MAML3: variants seen among roughly 807,000 people sequenced by gnomAD.
The protein encoded by MAML3 is mastermind-like protein 3.
Under a neutral mutation model 101.9 loss-of-function variants are expected in MAML3, and 27 were observed. The observed-to-expected ratio is 0.27, with a 90% CI of 0.20 to 0.37. MAML3 has a LOEUF of 0.37. Ranked by LOEUF, MAML3 falls within the 10% of genes least tolerant of loss-of-function variation. The pLI is 1.00. For missense variants in MAML3, 1,316 were observed against 1,444.9 expected (o/e 0.91, Z 1.45); for synonymous variants, 501 against 555.9 (o/e 0.90, Z 1.39).
At chr4:140,020,120 C>T (rs527618450) in intron 1 of MAML3, among the ~76,000 whole-genome samples, 18 of 152,152 alleles carry the variant, frequency 1.2e-4, no homozygotes, top group Non-Finnish European at 2.4e-4. Flanking sequence ...TGACCTTTGT[C>T]AACTGTGTTG....
chr4:139,904,988 T>C (rs1001209942), intron 1 of MAML3, among the ~76,000 whole-genome samples: 2 of 152,252 alleles, frequency 1.3e-5, no homozygotes, highest in South Asian at 4.1e-4. Flanking sequence ...TGTCGTTGAC[T>C]GAAATGTCAT....
At chr4:140,134,741 T>C (rs1299162315) in intron 1 of MAML3, among the ~76,000 whole-genome samples, 1 of 152,190 alleles carries the variant, frequency 6.6e-6, no homozygotes, top group Non-Finnish European at 1.5e-5. Context: ...ATGGGTGTTC[T>C]GCAAAAAAAG....
chr4:139,847,878 G>A (rs1243534955), intron 2 of MAML3, among the ~76,000 whole-genome samples: 1 of 152,224 alleles, frequency 6.6e-6, no homozygotes, highest in Admixed American at 6.5e-5. Context: ...GACTCAGGAA[G>A]AAACAGAATT....
chr4:139,942,462 G>A (rs1455401694), intron 1 of MAML3, among the ~76,000 whole-genome samples: 1 of 152,084 alleles, frequency 6.6e-6, no homozygotes, highest in Admixed American at 6.5e-5. Flanking sequence ...GATTAATGTG[G>A]ACATAACACT....
chr4:139,762,891 GA>G (rs1307435168), intron 2 of MAML3, among the ~76,000 whole-genome samples: 4 of 152,172 alleles, frequency 2.6e-5, no homozygotes, highest in Admixed American at 2.6e-4. Context: ...CTTTCCTGAG[GA>G]GGGCTGGAGA....
chr4:139,931,495 T>G (rs1255212396), intron 1 of MAML3, among the ~76,000 whole-genome samples: 1 of 152,130 alleles, frequency 6.6e-6, no homozygotes, highest in African/African-American at 2.4e-5. Context: ...TTTAATTAGG[T>G]TTTTATGCTT....
rs548965153 is a variant in MAML3, at chr4:139,769,572, G to A, written c.2080-38905C>T. ...CATGTAAATATGACACTTATGAACC[G>A]GCAATAAAATATGGTGAGTCTAAAG... On this transcript the variant is annotated intron_variant, in intron 2 of 4. Coordinates refer to ENST00000509479, the MANE Select transcript of MAML3 (RefSeq NM_018717.5). Among the ~76,000 whole-genome samples the A allele has an allele frequency of 3.4e-4, 51 of 152,034 alleles. No individual in the cohort carries two copies. In the East Asian group the frequency reaches 3.5e-3, roughly 10 times the overall value.
chr4:139,737,179 A>C (rs898849003), intron 2 of MAML3, among the ~76,000 whole-genome samples: 44 of 152,298 alleles, frequency 2.9e-4, no homozygotes, highest in Middle Eastern at 3.4e-3. Flanking sequence ...AACTATGGAA[A>C]GCTATGATTT....
Position 140,016,747 on chromosome 4 carries a change from A to G in MAML3, c.469-125780T>C, listed in dbSNP as rs913340076. The stretch of plus-strand genomic sequence containing the variant: ...AAACATTCATTGGCAAAACAAACAT[A>G]AAACAAAACCAAACCAAAAATACCC... On this transcript the variant is annotated intron_variant, in intron 1 of 4. Transcript: ENST00000509479. 7.2e-5 allele frequency among the ~76,000 whole-genome samples: 11 copies of G among 152,358 alleles called. 1 individual carries two copies. Among genetic ancestry groups the G allele is most frequent in the Non-Finnish European group, 1.3e-4 (9 of 68,030 alleles).
At chr4:139,726,658 C>G (rs770400713) in intron 3 of MAML3, among the ~76,000 whole-genome samples, 1 of 151,046 alleles carries the variant, frequency 6.6e-6, no homozygotes, top group Non-Finnish European at 1.5e-5. Context: ...TGAAGCCACA[C>G]TGCCTGTAAA....
intron 1 of MAML3, among the ~76,000 whole-genome samples, chr4:139,932,251 T>TTG (rs955584296): frequency 6.6e-6 from 1 of 151,550 alleles, no homozygotes; most frequent in African/African-American, 2.4e-5. Context: ...TTATCTTGAT[T>TTG]TTTTTTTTGA....
intron 2 of MAML3, among the ~76,000 whole-genome samples, chr4:139,791,980 CTGTT>C (rs1275576934): frequency 2.6e-5 from 4 of 152,202 alleles, no homozygotes; most frequent in Admixed American, 6.5e-5. Context: ...ACTGGGATCT[CTGTT>C]TGAACTTAGA....
chr4:139,739,864 A>C (rs1729100278), intron 2 of MAML3, among the ~76,000 whole-genome samples: 1 of 152,080 alleles, frequency 6.6e-6, no homozygotes, highest in African/African-American at 2.4e-5. Context: ...TTATTTTTAA[A>C]AGCTTGTTAA....
intron 2 of MAML3, among the ~76,000 whole-genome samples, chr4:139,867,916 A>C (rs1731930731): frequency 6.6e-6 from 1 of 152,218 alleles, no homozygotes; most frequent in Non-Finnish European, 1.5e-5. Context: ...ACTCTTAAAC[A>C]AAAATCAGTG....
intron 1 of MAML3, among the ~76,000 whole-genome samples, chr4:139,907,690 T>C (rs1209684867): frequency 2.0e-5 from 3 of 152,212 alleles, no homozygotes; most frequent in South Asian, 2.1e-4. Context: ...TCAAAGGAAT[T>C]TGTAGGCTGT....
At position 140,033,156 on chromosome 4, in the gene MAML3, C is replaced by T. The variant is rs143548044; in HGVS notation, c.468+119704G>A. 6.0e-4 allele frequency among the ~76,000 whole-genome samples: 92 copies of T among 152,306 alleles called. No individual in the cohort carries two copies. In the Middle Eastern group the frequency reaches 0.017, roughly 28 times the overall value. On this transcript the variant is annotated intron_variant, in intron 1 of 4. Coordinates refer to ENST00000509479, the MANE Select transcript of MAML3 (RefSeq NM_018717.5). ...TGCACATAATCAATAGACCTAGAAG[C>T]ACTTATTGAACACATCCTGTGAACA... is the stretch of plus-strand genomic sequence containing the variant.
chr4:139,733,633 G>C (rs993910178), intron 2 of MAML3, among the ~76,000 whole-genome samples: 9 of 150,322 alleles, frequency 6.0e-5, no homozygotes, highest in Admixed American at 6.0e-4. Context: ...CAGAGGTTTT[G>C]CCTTCAGGCT....
Position 139,843,713 on chromosome 4 carries a change from T to C in MAML3, c.2079+45644A>G, listed in dbSNP as rs182157786. Among the ~76,000 whole-genome samples the C allele has an allele frequency of 4.6e-5, 7 of 152,338 alleles. No individual in the cohort carries two copies. In the East Asian group the frequency reaches 1.4e-3, roughly 29 times the overall value. On this transcript the variant is annotated intron_variant, in intron 2 of 4. Transcript: ENST00000509479. Reference sequence around the variant, plus strand: ...TTAATTCGGAGTCTTCTAATGAAATTGCTACTATCTCCAGTTTAATAACCA... The same window carrying C: ...TTAATTCGGAGTCTTCTAATGAAATCGCTACTATCTCCAGTTTAATAACCA...
chr4:140,059,922 G>C (rs1194270202), intron 1 of MAML3, among the ~76,000 whole-genome samples: 1 of 152,146 alleles, frequency 6.6e-6, no homozygotes, highest in Non-Finnish European at 1.5e-5. Context: ...AAATAATTAT[G>C]ATATATGAAA....
Sources: allele counts gnomAD v4.1 joint callset (sites outside exome capture counted in the v4.1 genomes callset), GRCh38; gene constraint gnomAD v4.1.1; transcripts MANE v1.5; gene names NCBI Gene and HGNC (gene_info 2026-07-23, HGNC 2026-07-21).